Variants in ENPP3 observed in about 807,000 individuals in gnomAD.
ENPP3 encodes ectonucleotide pyrophosphatase/phosphodiesterase 3.
In ENPP3, 104 loss-of-function variants were observed where a neutral mutation model predicts 117.8. The ratio of observed to expected loss-of-function variants is 0.88; its 90% CI spans 0.75 to 1.04. The LOEUF is 1.04. Among genes scored for constraint, ENPP3 ranks in the 50% least tolerant of loss-of-function variants. The probability of loss-of-function intolerance (pLI) is 0.00; values close to 1 mark genes in which losing one functional copy is unlikely to be tolerated. For missense variants in ENPP3, 1,026 were observed against 1,051.9 expected, an observed-to-expected ratio of 0.98 and a Z score of 0.34; for synonymous variants, 380 against 349.9, an observed-to-expected ratio of 1.09 and a Z score of -0.96.
chr6:131,676,850 T>TA (rs745950655), intron 10 of ENPP3, 49 bp downstream of exon 10: 16 of 1,214,928 alleles, frequency 1.3e-5, no homozygotes, highest in East Asian at 1.2e-4. Context: ...TATATATGGG[T>TA]AAAAAATGAA....
intron 12 of ENPP3, among the ~76,000 whole-genome samples, chr6:131,684,509 A>T (rs1029118356): frequency 1.4e-4 from 21 of 152,072 alleles, no homozygotes; most frequent in Non-Finnish European, 1.9e-4. Flanking sequence ...GTGAAACCCC[A>T]TCTCTACTAA....
chr6:131,687,924 G>C (rs1779188505), intron 14 of ENPP3, among the ~76,000 whole-genome samples: 1 of 152,064 alleles, frequency 6.6e-6, no homozygotes, highest in Non-Finnish European at 1.5e-5. Context: ...ACAGTTACAG[G>C]CTTACCTTGC....
In ENPP3 at chr6:131,676,720, T is replaced by C. The variant is rs763218249; in HGVS notation, c.873-16T>C. 11 of 1,527,310 alleles carry C rather than the reference T, an allele frequency of 7.2e-6. No homozygotes were observed. The highest frequency in any genetic ancestry group is 1.0e-5 in the Non-Finnish European group (11 of 1,101,142). 94.6% of individuals were successfully genotyped at this position (1,527,310 alleles called of 1,614,324 possible). A position where few individuals can be genotyped will look rare whatever the true frequency, so the allele number is the denominator to read the frequency against. On this transcript the variant is annotated splice_polypyrimidine_tract_variant and intron_variant, in intron 9 of 24. Coordinates refer to ENST00000357639, the MANE Select transcript of ENPP3 (RefSeq NM_005021.5). ...TTGATTCATTTTAAAGAATTATTTC[T>C]ACCCTATTTTTTCAGAAGTGTCCCA...
intron 18 of ENPP3, among the ~76,000 whole-genome samples, chr6:131,723,827 T>TCTCTCTCTCA (rs367662326): frequency 6.9e-6 from 1 of 145,850 alleles, no homozygotes; most frequent in Non-Finnish European, 1.5e-5. Flanking sequence ...TCTCTCTCTC[T>TCTCTCTCTCA]CACACACACA....
chr6:131,738,004 T>A (rs1216934387), intron 22 of ENPP3, 27 bp from the exon 23 acceptor site: 1 of 1,532,628 alleles, frequency 6.5e-7, no homozygotes, highest in Non-Finnish European at 8.9e-7. Context: ...AGTGGACATT[T>A]TAAACACTTT....
chr6:131,644,566 A>AG (rs2114294306), intron 2 of ENPP3, among the ~76,000 whole-genome samples: 1 of 152,324 alleles, frequency 6.6e-6, no homozygotes, highest in East Asian at 1.9e-4. Context: ...TGGAAACATG[A>AG]ATTTCCATAA....
intron 11 of ENPP3, among the ~76,000 whole-genome samples, chr6:131,680,974 A>G (rs1779010456): frequency 6.6e-6 from 1 of 152,024 alleles, no homozygotes; most frequent in South Asian, 2.1e-4. Flanking sequence ...ATGATTTCAA[A>G]ACTGTAAAGA....
At position 131,685,326 on chromosome 6, in the gene ENPP3, T is replaced by G. The variant is rs377670824; in HGVS notation, c.1121-38T>G. On this transcript the variant is annotated intron_variant, in intron 12 of 24. Transcript: ENST00000357639. Reference sequence around the variant, plus strand: ...CAGAAATCAACCGTTGCCATTTATATACATTCAGTGGGTTATTATGATTAT... The same window carrying G: ...CAGAAATCAACCGTTGCCATTTATAGACATTCAGTGGGTTATTATGATTAT... 159 of 1,553,744 alleles carry G rather than the reference T, an allele frequency of 1.0e-4. No homozygotes were observed. The African/African-American group carries it at 1.7e-3, about 17-fold the overall frequency.
At chr6:131,649,770 G>T (rs1021506952) in intron 2 of ENPP3, among the ~76,000 whole-genome samples, 12 of 152,110 alleles carry the variant, frequency 7.9e-5, no homozygotes, top group African/African-American at 2.2e-4. Context: ...TAGCCAGACT[G>T]GTCTCAAACT....
chr6:131,651,992 G>A (rs1187280750), intron 3 of ENPP3, among the ~76,000 whole-genome samples: 2 of 152,166 alleles, frequency 1.3e-5, no homozygotes, highest in East Asian at 1.9e-4. Context: ...TTTTAGCAAT[G>A]GGATTTATTG....
intron 20 of ENPP3, among the ~76,000 whole-genome samples, 196 bp from the exon 21 acceptor site, chr6:131,733,392 G>A (rs934365543): frequency 1.3e-5 from 2 of 152,078 alleles, no homozygotes; most frequent in African/African-American, 4.8e-5. Context: ...TTGCCCTCCC[G>A]ATGTCCTTAA....
chr6:131,722,157 C>T, intron 17 of ENPP3, 70 bp from the exon 18 acceptor site: 1 of 1,106,286 alleles, frequency 9.0e-7, no homozygotes, highest in South Asian at 1.5e-5. Flanking sequence ...TTTGTTTCTT[C>T]CCATCTCCCA....
intron 2 of ENPP3, among the ~76,000 whole-genome samples, chr6:131,645,085 G>C (rs1212606168): frequency 6.6e-6 from 1 of 152,048 alleles, no homozygotes; most frequent in Non-Finnish European, 1.5e-5. Context: ...GTTACTCTTT[G>C]GCATGTACCC....
chr6:131,650,605 G>T (rs6917569), intron 3 of ENPP3, among the ~76,000 whole-genome samples: 8 of 152,314 alleles, frequency 5.3e-5, no homozygotes, highest in Non-Finnish European at 8.8e-5. Context: ...GGGTGGCTTA[G>T]CCAACAGAAG....
At chr6:131,697,348 C>T (rs968376086) in intron 15 of ENPP3, among the ~76,000 whole-genome samples, 1 of 136,692 alleles carries the variant, frequency 7.3e-6, no homozygotes, top group Non-Finnish European at 1.5e-5. Flanking sequence ...GCTACATGGA[C>T]GAGGATGGTC....
chr6:131,737,764 G>C (rs532623968), intron 22 of ENPP3, among the ~76,000 whole-genome samples: 3 of 152,038 alleles, frequency 2.0e-5, no homozygotes, highest in Non-Finnish European at 4.4e-5. Flanking sequence ...TTTAACACTC[G>C]CTGTCCCATA....
At chr6:131,717,354 GTGTGTGTGTGT>G (rs1562470367) in intron 15 of ENPP3, among the ~76,000 whole-genome samples, 38 of 8,472 alleles carry the variant, frequency 4.5e-3, no homozygotes, top group African/African-American at 0.012. Flanking sequence ...TGCGGGGGGT[GTGTGTGTGTGT>G]GTGTGTGTGT....
chr6:131,685,032 C>A (rs747152905), intron 12 of ENPP3, among the ~76,000 whole-genome samples: 5 of 152,134 alleles, frequency 3.3e-5, no homozygotes, highest in Non-Finnish European at 7.4e-5. Context: ...TGAGTTCCCC[C>A]CTCAGCCTCC....
At chr6:131,677,714 G>A (rs1055483931) in intron 10 of ENPP3, among the ~76,000 whole-genome samples, 154 bp from the exon 11 acceptor site, 3 of 152,130 alleles carry the variant, frequency 2.0e-5, no homozygotes, top group Non-Finnish European at 2.9e-5. Context: ...CCTTGCTGGA[G>A]CCAAGTAGAA....
Sources: gnomAD v4.1 joint callset for allele counts (sites outside exome capture counted in the v4.1 genomes callset) on GRCh38, gnomAD v4.1.1 for gene constraint, MANE v1.5 for transcripts, NCBI Gene and HGNC (gene_info 2026-07-23, HGNC 2026-07-21) for gene names.